The following WWOX variants were observed in gnomAD, a reference collection of about 807,000 sequenced individuals.
The protein encoded by WWOX is WW domain containing oxidoreductase, also known as WW domain-containing oxidoreductase.
WWOX carries 69 observed loss-of-function variants against 46.2 expected under a neutral mutation model. The ratio of observed to expected loss-of-function variants is 1.49; its 90% confidence interval spans 1.23 to 1.82. The LOEUF (loss-of-function observed/expected upper bound fraction) is 1.82. WWOX is among the 40% of genes most tolerant of loss of function. The pLI is 0.00. For missense variants in WWOX, 919 were observed against 542.6 expected (o/e 1.69, Z -6.89); for synonymous variants, 359 against 202.6 (o/e 1.77, Z -6.56).
At chr16:78,637,832 G>A (rs1030611574) in intron 8 of WWOX, among the ~76,000 whole-genome samples, 3 of 152,162 alleles carry the variant, frequency 2.0e-5, no homozygotes, top group Admixed American at 6.5e-5. Flanking sequence ...CTATTGTGTT[G>A]TGTGTGTCTC....
intron 8 of WWOX, among the ~76,000 whole-genome samples, chr16:79,113,068 C>T (rs1245705058): frequency 6.6e-6 from 1 of 152,152 alleles, no homozygotes; most frequent in Admixed American, 6.5e-5. Flanking sequence ...AGTCATGGTA[C>T]CAGAACTCGG....
intron 8 of WWOX, among the ~76,000 whole-genome samples, chr16:78,811,585 G>T (rs2051190323): frequency 6.6e-6 from 1 of 151,786 alleles, no homozygotes; most frequent in Non-Finnish European, 1.5e-5. Flanking sequence ...TGGCCAGGCT[G>T]GTCTCAAGCT....
At chr16:78,493,280 G>A (rs147613722) in intron 8 of WWOX, among the ~76,000 whole-genome samples, 22 of 152,296 alleles carry the variant, frequency 1.4e-4, no homozygotes, top group Admixed American at 1.4e-3. Context: ...CCTATGTTAA[G>A]AATCTTTATT....
chr16:78,961,484 G>T (rs747356620), intron 8 of WWOX, among the ~76,000 whole-genome samples: 1 of 151,936 alleles, frequency 6.6e-6, no homozygotes, highest in Non-Finnish European at 1.5e-5. Flanking sequence ...TGGATGGATA[G>T]GTAGATGGAT....
At chr16:78,955,408 TGA>T (rs1371849447) in intron 8 of WWOX, among the ~76,000 whole-genome samples, 1 of 152,084 alleles carries the variant, frequency 6.6e-6, no homozygotes, top group Non-Finnish European at 1.5e-5. Context: ...GTGAGAGGTG[TGA>T]GTTATTCAGA....
At chr16:78,460,224 T>C (rs2151422267) in intron 8 of WWOX, among the ~76,000 whole-genome samples, 1 of 151,904 alleles carries the variant, frequency 6.6e-6, no homozygotes, top group South Asian at 2.1e-4. Context: ...GCCTCCCGGA[T>C]TCAAGAGATT....
chr16:78,872,984 A>T (rs1159265796), intron 8 of WWOX: 1 of 152,126 alleles, frequency 6.6e-6, no homozygotes, highest in Non-Finnish European at 1.5e-5. Context: ...TTCTGTAAAG[A>T]TGAGGTCTTG....
intron 8 of WWOX, among the ~76,000 whole-genome samples, chr16:79,207,050 AGT>A (rs2051536955): frequency 6.6e-6 from 1 of 152,096 alleles, no homozygotes; most frequent in Admixed American, 6.5e-5. Flanking sequence ...GTTCTGGGAG[AGT>A]GGTTATAGCC....
intron 8 of WWOX, among the ~76,000 whole-genome samples, chr16:78,847,802 C>T (rs981306070): frequency 2.0e-5 from 3 of 151,922 alleles, no homozygotes; most frequent in Middle Eastern, 3.4e-3. Flanking sequence ...AAAAGGAAAA[C>T]AGTATTTCCC....
At chr16:78,976,454 G>A (rs1457154324) in intron 8 of WWOX, among the ~76,000 whole-genome samples, 3 of 152,190 alleles carry the variant, frequency 2.0e-5, no homozygotes, top group Admixed American at 1.3e-4. Context: ...CACATGGCAC[G>A]CAATGGTGGC....
At chr16:78,616,509 C>G (rs150063047) in intron 8 of WWOX, among the ~76,000 whole-genome samples, 2,555 of 149,884 alleles carry the variant, frequency 0.017, 72 homozygotes, top group African/African-American at 0.059. Flanking sequence ...CACCTGTAAT[C>G]CCAGCACTTT....
chr16:78,566,034 G>C (rs1379256379), intron 8 of WWOX, among the ~76,000 whole-genome samples: 1 of 152,236 alleles, frequency 6.6e-6, no homozygotes, highest in South Asian at 2.1e-4. Context: ...CAGTCTAGAG[G>C]CTGGGAAGTC....
chr16:79,043,692 T>G (rs1052312623), intron 8 of WWOX, among the ~76,000 whole-genome samples: 19 of 152,354 alleles, frequency 1.2e-4, no homozygotes, highest in African/African-American at 3.8e-4. Flanking sequence ...GGCTGACCAG[T>G]ATAGACTGGG....
rs545966591 is a variant in WWOX at position 78,917,667 on chromosome 16, T to C, written c.1057-293941T>C. ...CTTATAACTTGCCATTTAATATCTCTTGCTTTCCTACATGGCTGTGACTAC... is the reference window on the plus strand; with the variant it reads ...CTTATAACTTGCCATTTAATATCTCCTGCTTTCCTACATGGCTGTGACTAC... On this transcript the variant is annotated intron_variant, in intron 8 of 8. Transcript: ENST00000566780. Among the ~76,000 whole-genome samples, 15 of 152,212 alleles carry C rather than the reference T, an allele frequency of 9.9e-5. No homozygotes were observed. The South Asian group carries it at 3.1e-3, about 32-fold the overall frequency.
At chr16:78,913,366 G>A (rs912019861) in intron 8 of WWOX, among the ~76,000 whole-genome samples, 4 of 151,872 alleles carry the variant, frequency 2.6e-5, no homozygotes, top group African/African-American at 9.7e-5. Flanking sequence ...CTGAGTCTTG[G>A]CCAATGGACT....
chr16:78,664,391 C>G (rs1296934531), intron 8 of WWOX, among the ~76,000 whole-genome samples: 1 of 152,140 alleles, frequency 6.6e-6, no homozygotes, highest in Non-Finnish European at 1.5e-5. Context: ...TAGGAAGTGG[C>G]AGGTTGGAGA....
intron 8 of WWOX, among the ~76,000 whole-genome samples, chr16:79,161,916 C>T (rs1295758704): frequency 1.3e-5 from 2 of 152,180 alleles, no homozygotes; most frequent in Non-Finnish European, 2.9e-5. Flanking sequence ...AATTTTCCCT[C>T]CCAGGCCTTG....
chr16:78,886,467 A>G (rs2044460298), intron 8 of WWOX, among the ~76,000 whole-genome samples: 1 of 151,818 alleles, frequency 6.6e-6, no homozygotes, highest in Non-Finnish European at 1.5e-5. Context: ...ATTTTAAATA[A>G]CACATCATTG....
At chr16:78,110,241 A>G (rs1437778583) in intron 3 of WWOX, among the ~76,000 whole-genome samples, 5 of 150,986 alleles carry the variant, frequency 3.3e-5, no homozygotes, top group Admixed American at 3.3e-4. Context: ...TCGGGAGGGT[A>G]AGGCGGGAGA....
Sources: allele counts gnomAD v4.1 joint callset (sites outside exome capture counted in the v4.1 genomes callset), GRCh38; gene constraint gnomAD v4.1.1; transcripts MANE v1.5; gene names NCBI Gene and HGNC (gene_info 2026-07-23, HGNC 2026-07-21).